Variants in MDFIC2 observed in about 807,000 individuals in gnomAD.
The protein encoded by MDFIC2 is MyoD family inhibitor domain containing 2.
At chr3:70,218,532 C>A (rs1177474680) in intron 2 of MDFIC2, among the ~76,000 whole-genome samples, 1 of 152,056 alleles carries the variant, frequency 6.6e-6, no homozygotes, top group Non-Finnish European at 1.5e-5. Flanking sequence ...GGTGTGGTTG[C>A]TGGAACGTTT....
At chr3:70,299,654 G>A (rs1702327587) in intron 2 of MDFIC2, among the ~76,000 whole-genome samples, 2 of 152,034 alleles carry the variant, frequency 1.3e-5, no homozygotes, top group Admixed American at 1.3e-4. Flanking sequence ...CGGAATTCAT[G>A]CCTTCTCATT....
intron 2 of MDFIC2, among the ~76,000 whole-genome samples, chr3:70,280,867 C>G (rs1702075897): frequency 6.6e-6 from 1 of 152,116 alleles, no homozygotes; most frequent in Admixed American, 6.6e-5. Context: ...GGACGCTGCA[C>G]AGAAAGTCCA....
At chr3:70,295,469 C>T (rs1487653862) in intron 2 of MDFIC2, among the ~76,000 whole-genome samples, 7 of 151,960 alleles carry the variant, frequency 4.6e-5, no homozygotes, top group Admixed American at 1.3e-4. Context: ...TTTGGGAGGC[C>T]GAGTGAGATA....
chr3:70,230,045 G>A (rs2106743655), intron 2 of MDFIC2, among the ~76,000 whole-genome samples: 1 of 152,204 alleles, frequency 6.6e-6, no homozygotes, highest in South Asian at 2.1e-4. Context: ...TGTCTTAGAT[G>A]CTGTTGCTGC....
At chr3:70,223,269 A>G (rs1158538956) in intron 2 of MDFIC2, among the ~76,000 whole-genome samples, 1 of 152,110 alleles carries the variant, frequency 6.6e-6, no homozygotes, top group Non-Finnish European at 1.5e-5. Context: ...AGATGAAGTT[A>G]TTTAGCCAAG....
intron 2 of MDFIC2, among the ~76,000 whole-genome samples, chr3:70,231,430 C>A (rs1467740622): frequency 6.6e-6 from 1 of 152,184 alleles, no homozygotes; most frequent in Non-Finnish European, 1.5e-5. Flanking sequence ...GCTCCCGACG[C>A]CTTCCTGAGT....
At position 70,196,565 on chromosome 3, in the gene MDFIC2, A is replaced by C. The variant is rs1701182977; in HGVS notation, c.*361T>G. ...TAAAAGAATGCACTAATTTGTCCTG[A>C]ATTTGTGAATGAGGTTGAATCCATA... is the stretch of plus-strand genomic sequence containing the variant. On this transcript the variant is annotated 3_prime_UTR_variant, in exon 4 of 4. Coordinates refer to ENST00000567252, the MANE Select transcript of MDFIC2 (RefSeq NM_001364677.1). 6.6e-6 allele frequency among the ~76,000 whole-genome samples: 1 copy of C among 152,202 alleles called. No individual in the cohort carries two copies. Among genetic ancestry groups the C allele is most frequent in the Admixed American group, 6.5e-5 (1 of 15,284 alleles).
At chr3:70,283,855 C>G (rs531827582) in intron 2 of MDFIC2, 32 of 151,304 alleles carry the variant, frequency 2.1e-4, no homozygotes, top group African/African-American at 7.3e-4. Context: ...ATGGTGAGTA[C>G]ATAATGTATT....
At chr3:70,308,321 T>C (rs1005974001) in intron 2 of MDFIC2, among the ~76,000 whole-genome samples, 5 of 152,078 alleles carry the variant, frequency 3.3e-5, no homozygotes, top group African/African-American at 1.2e-4. Flanking sequence ...TCTCCAAAAG[T>C]GCTGAGATTA....
At chr3:70,261,357 A>G (rs754418576) in intron 2 of MDFIC2, among the ~76,000 whole-genome samples, 1 of 152,192 alleles carries the variant, frequency 6.6e-6, no homozygotes, top group Non-Finnish European at 1.5e-5. Flanking sequence ...GCTTCAAAAA[A>G]AGTTGATGTG....
At chr3:70,246,701 C>T (rs565124147) in intron 2 of MDFIC2, among the ~76,000 whole-genome samples, 1 of 152,008 alleles carries the variant, frequency 6.6e-6, no homozygotes, top group East Asian at 1.9e-4. Flanking sequence ...AAATTATGGG[C>T]ACTCTATATT....
At chr3:70,282,335 C>T (rs530519665) in intron 2 of MDFIC2, among the ~76,000 whole-genome samples, 166 of 152,254 alleles carry the variant, frequency 1.1e-3, no homozygotes, top group African/African-American at 3.9e-3. Flanking sequence ...CTGATGTGCT[C>T]CCCTATCAAA....
chr3:70,278,377 T>C (rs941970210), intron 2 of MDFIC2, among the ~76,000 whole-genome samples: 3 of 152,146 alleles, frequency 2.0e-5, no homozygotes, highest in African/African-American at 7.2e-5. Context: ...TGACTGAAGC[T>C]GATATGAACA....
chr3:70,290,570 A>C (rs992077519), intron 2 of MDFIC2, among the ~76,000 whole-genome samples: 8 of 152,138 alleles, frequency 5.3e-5, no homozygotes, highest in African/African-American at 1.9e-4. Context: ...GGCCTCCTTG[A>C]GCTGTGGTGG....
At chr3:70,202,760 G>A (rs956447182) in intron 3 of MDFIC2, among the ~76,000 whole-genome samples, 1 of 152,110 alleles carries the variant, frequency 6.6e-6, no homozygotes, top group Non-Finnish European at 1.5e-5. Flanking sequence ...GCTGTGATGA[G>A]CAAAGTGATA....
intron 2 of MDFIC2, among the ~76,000 whole-genome samples, chr3:70,260,442 G>A (rs9834618): frequency 0.011 from 1,745 of 152,100 alleles, 36 homozygotes; most frequent in African/African-American, 0.039. Flanking sequence ...ATGGGGGTTA[G>A]TACCTCAACA....
chr3:70,245,218 G>A (rs1037528715), intron 2 of MDFIC2, among the ~76,000 whole-genome samples: 2 of 151,908 alleles, frequency 1.3e-5, no homozygotes, highest in African/African-American at 4.8e-5. Context: ...TTTTAAAAGA[G>A]TTTTTTTCTA....
At chr3:70,231,850 T>G (rs1478159842) in intron 2 of MDFIC2, among the ~76,000 whole-genome samples, 1 of 152,202 alleles carries the variant, frequency 6.6e-6, no homozygotes, top group Non-Finnish European at 1.5e-5. Context: ...TGGAAGCTAC[T>G]AAACAGGCCT....
intron 2 of MDFIC2, among the ~76,000 whole-genome samples, chr3:70,310,796 C>A (rs1702447342): frequency 6.6e-6 from 1 of 152,142 alleles, no homozygotes; most frequent in African/African-American, 2.4e-5. Flanking sequence ...AGATCATGTT[C>A]TGACGAGTAA....
Sources: allele counts gnomAD v4.1 joint callset (sites outside exome capture counted in the v4.1 genomes callset), GRCh38; gene constraint gnomAD v4.1.1; transcripts MANE v1.5; gene names NCBI Gene and HGNC (gene_info 2026-07-23, HGNC 2026-07-21).